DCP2: variants seen among roughly 807,000 people sequenced by gnomAD.
DCP2 encodes decapping mRNA 2, also known as m7GpppN-mRNA hydrolase.
A neutral mutation model predicts 56.1 loss-of-function variants in DCP2; 30 were observed. The ratio of observed to expected loss-of-function variants is 0.53; its 90% CI spans 0.40 to 0.73. The LOEUF (loss-of-function observed/expected upper bound fraction) is 0.73. Among genes scored for constraint, DCP2 ranks in the 30% least tolerant of loss-of-function variants. DCP2 has a pLI of 0.00. For missense variants in DCP2, 533 were observed against 502.7 expected, an observed-to-expected ratio of 1.06 and a Z score of -0.58; for synonymous variants, 197 against 163.3, an observed-to-expected ratio of 1.21 and a Z score of -1.57.
Position 113,015,361 on chromosome 5 carries a change from G to GT in DCP2, c.*1888dup, listed in dbSNP as rs78406920. ...ACTGTTTTTTATTTTTTTGGTATGT[G>GT]TTTTTTTTTTTCTTTTTAAGTGCAT... On this transcript the variant is annotated 3_prime_UTR_variant, in exon 11 of 11. Transcript: ENST00000389063. The GT allele has an allele frequency of 0.01, 1,489 of 145,962 alleles. 25 individuals are homozygous for GT. The highest frequency in any genetic ancestry group is 0.033 in the African/African-American group (1,315 of 40,024). The allele number at this position is 145,962 out of a possible 1,614,324, so 9.0% of individuals were successfully genotyped here.
At chr5:112,998,575 G>A (rs1457109907) in intron 4 of DCP2, among the ~76,000 whole-genome samples, 2 of 152,126 alleles carry the variant, frequency 1.3e-5, no homozygotes, top group African/African-American at 4.8e-5. Context: ...CATTTACTAA[G>A]CACAAAGTAC....
Position 113,015,361 on chromosome 5 carries a change from GT to G in DCP2, c.*1888del, listed in dbSNP as rs78406920. 586 of 145,972 alleles carry G rather than the reference GT, an allele frequency of 4.0e-3. 2 individuals are homozygous for G. Among genetic ancestry groups the G allele is most frequent in the Admixed American group, 6.7e-3 (98 of 14,584 alleles). 9.0% of individuals were successfully genotyped at this position (145,972 alleles called of 1,614,324 possible). On this transcript the variant is annotated 3_prime_UTR_variant, in exon 11 of 11. Coordinates refer to ENST00000389063, the MANE Select transcript of DCP2 (RefSeq NM_152624.6). ...ACTGTTTTTTATTTTTTTGGTATGTGTTTTTTTTTTTCTTTTTAAGTGCATA... is the reference window on the plus strand; with the variant it reads ...ACTGTTTTTTATTTTTTTGGTATGTGTTTTTTTTTTCTTTTTAAGTGCATA...
At chr5:112,980,173 T>C (rs1443146284) in intron 1 of DCP2, among the ~76,000 whole-genome samples, 3 of 152,244 alleles carry the variant, frequency 2.0e-5, no homozygotes, top group Admixed American at 1.3e-4. Flanking sequence ...TTAAACTAGC[T>C]TATTAAAGAA....
chr5:112,993,799 G>T (rs796482710), intron 4 of DCP2, among the ~76,000 whole-genome samples: 3 of 152,030 alleles, frequency 2.0e-5, no homozygotes, highest in African/African-American at 7.2e-5. Context: ...AACTAACTCT[G>T]TGTATAGGGC....
intron 2 of DCP2, among the ~76,000 whole-genome samples, chr5:112,986,391 G>A (rs969288567): frequency 2.6e-5 from 4 of 150,956 alleles, no homozygotes; most frequent in Non-Finnish European, 5.9e-5. Context: ...AGGCTGAAGT[G>A]CAGTAATGTG....
chr5:113,000,359 T>C (rs1375882627), intron 4 of DCP2, among the ~76,000 whole-genome samples: 1 of 151,544 alleles, frequency 6.6e-6, no homozygotes, highest in Non-Finnish European at 1.5e-5. Context: ...TGAGCCACTG[T>C]GCCCAGTCCT....
intron 9 of DCP2, 89 bp from the exon 10 acceptor site, chr5:113,010,667 G>C: frequency 7.4e-7 from 1 of 1,349,700 alleles, no homozygotes. Flanking sequence ...TGAGAAATTT[G>C]ATAATACATC....
chr5:113,013,507 G>T lies in DCP2; in HGVS notation c.*23G>T, dbSNP rs1332829360. 4 of 1,612,564 alleles carry T rather than the reference G, an allele frequency of 2.5e-6. No homozygotes were observed. Among genetic ancestry groups the T allele is most frequent in the Non-Finnish European group, 3.4e-6 (4 of 1,179,250 alleles). ...TGATAGCAGCACATGTATTGTAAAT[G>T]TCCCAGGATCAGAGACCTGTTGAAT... On this transcript the variant is annotated 3_prime_UTR_variant, in exon 11 of 11. Coordinates refer to ENST00000389063, the MANE Select transcript of DCP2 (RefSeq NM_152624.6).
intron 7 of DCP2, among the ~76,000 whole-genome samples, chr5:113,002,892 G>C (rs1370275436): frequency 6.6e-6 from 1 of 152,056 alleles, no homozygotes; most frequent in East Asian, 1.9e-4. Flanking sequence ...TGTTAAATAA[G>C]GTTGTATTTT....
intron 8 of DCP2, among the ~76,000 whole-genome samples, chr5:113,006,257 A>G (rs960030905): frequency 1.3e-5 from 2 of 152,340 alleles, no homozygotes; most frequent in African/African-American, 2.4e-5. Flanking sequence ...AGGCAAATTC[A>G]TAGAGACACA....
chr5:113,005,151 G>GGTGTGTGTGTGTGTGTGTGTGTGTGT (rs56389236), intron 8 of DCP2, among the ~76,000 whole-genome samples: 3 of 149,420 alleles, frequency 2.0e-5, no homozygotes, highest in African/African-American at 7.4e-5. Flanking sequence ...TGTGCGTGTG[G>GGTGTGTGTGTGTGTGTGTGTGTGTGT]GTGTGTGTGT....
At chr5:113,003,821 C>A in intron 7 of DCP2, 121 bp from the exon 8 acceptor site, 1 of 1,132,772 alleles carries the variant, frequency 8.8e-7, no homozygotes, top group Non-Finnish European at 1.3e-6. Context: ...AACTTACATT[C>A]CAGTGGGGAA....
chr5:112,979,119 AGTGAGT>A (rs1356235115), intron 1 of DCP2, among the ~76,000 whole-genome samples: 1 of 139,218 alleles, frequency 7.2e-6, no homozygotes, highest in Admixed American at 6.8e-5. Context: ...TTGGTTTTCC[AGTGAGT>A]GTATTTAAGC....
At chr5:113,006,318 T>C (rs1005933759) in intron 8 of DCP2, among the ~76,000 whole-genome samples, 28 of 152,114 alleles carry the variant, frequency 1.8e-4, no homozygotes, top group Non-Finnish European at 3.8e-4. Flanking sequence ...AGTTACTGTT[T>C]ATTGGTTGCA....
At position 112,992,770 on chromosome 5, in the gene DCP2, G is replaced by T; in HGVS notation, c.432G>T (p.Glu144Asp). 1 of 1,563,626 alleles carries T rather than the reference G, an allele frequency of 6.4e-7. No homozygotes were observed. Among genetic ancestry groups the T allele is most frequent in the Non-Finnish European group, 8.6e-7 (1 of 1,165,932 alleles). Reference protein sequence around the residue: ...EEAPHDCAAREVFEETGFDIK... With the variant: ...EEAPHDCAARDVFEETGFDIK... ...CTCCTCATGATTGTGCTGCTAGAGA[G>T]GTAAGTTATTCCATTTTGATACACA... The change falls in exon 4 of 11, where the codon GAG becomes GAT. Residue 144 changes from glutamate (E) to aspartate (D), a missense_variant and splice_region_variant. Transcript: ENST00000389063.
Position 113,016,738 on chromosome 5 carries a change from T to C in DCP2, c.*3254T>C, listed in dbSNP as rs576318198. 3.3e-5 allele frequency: 5 copies of C among 152,342 alleles called. No homozygotes were observed. The highest frequency in any genetic ancestry group is 1.2e-4 in the African/African-American group (5 of 41,572). 9.4% of individuals were successfully genotyped at this position (152,342 alleles called of 1,614,324 possible). ...TATTCTCTCATGGACTTCTCATCCT[T>C]TCTTTTTTCATCTCCAACAGTTAAA... On this transcript the variant is annotated 3_prime_UTR_variant, in exon 11 of 11. Transcript: ENST00000389063.
chr5:112,994,323 C>T (rs934613610), intron 4 of DCP2, among the ~76,000 whole-genome samples: 4 of 151,642 alleles, frequency 2.6e-5, no homozygotes, highest in African/African-American at 9.7e-5. Flanking sequence ...AGTTGCATGC[C>T]ACCATGCCCA....
At chr5:113,007,131 A>C (rs185106630) in intron 8 of DCP2, among the ~76,000 whole-genome samples, 4 of 151,170 alleles carry the variant, frequency 2.6e-5, no homozygotes, top group Admixed American at 2.6e-4. Context: ...ACTCCATTTA[A>C]AAAAAAAATA....
intron 1 of DCP2, among the ~76,000 whole-genome samples, chr5:112,982,676 A>C (rs560890720): frequency 1.6e-4 from 23 of 146,320 alleles, no homozygotes; most frequent in Non-Finnish European, 3.4e-4. Flanking sequence ...GAGGGCTCTT[A>C]CTTAGTTACT....
Sources: gnomAD v4.1 joint callset for allele counts (sites outside exome capture counted in the v4.1 genomes callset) on GRCh38, gnomAD v4.1.1 for gene constraint, MANE v1.5 for transcripts, NCBI Gene and HGNC (gene_info 2026-07-23, HGNC 2026-07-21) for gene names.